Variants in PES1 observed in about 807,000 individuals in gnomAD.
PES1 encodes the protein pescadillo homolog.
Under a neutral mutation model 77.1 loss-of-function variants are expected in PES1, and 31 were observed. The observed-to-expected ratio is 0.40, with a 90% confidence interval of 0.30 to 0.54. PES1 has a LOEUF of 0.54. Ranked by LOEUF, PES1 falls within the 20% of genes least tolerant of loss-of-function variation. The pLI, the probability that PES1 is intolerant of heterozygous loss-of-function variation, is 0.45. For synonymous variants in PES1, 282 were observed against 303.0 expected (o/e 0.93, Z 0.72); for missense variants, 658 against 771.7 (o/e 0.85, Z 1.75).
intron 7 of PES1, 21 bp downstream of exon 7, chr22:30,581,507 G>A: frequency 6.2e-7 from 1 of 1,607,544 alleles, no homozygotes; most frequent in Non-Finnish European, 8.5e-7. Context: ...GCGAGCAGAA[G>A]GCACTGGGCT....
intron 2 of PES1, among the ~76,000 whole-genome samples, chr22:30,597,397 C>T (rs951515383): frequency 6.6e-6 from 1 of 151,576 alleles, no homozygotes; most frequent in African/African-American, 2.4e-5. Flanking sequence ...AATCAGCACT[C>T]TATATGTAGC....
chr22:30,604,296 A>G (rs959879121), intron 2 of PES1, among the ~76,000 whole-genome samples: 1 of 152,208 alleles, frequency 6.6e-6, no homozygotes, highest in Admixed American at 6.5e-5. Context: ...TAAAAAAAGT[A>G]GTAGTCACCC....
In PES1 at chr22:30,577,009, A is replaced by G. The variant is rs1269593310; in HGVS notation, c.*37T>C. The G allele has an allele frequency of 6.4e-7, 1 of 1,552,124 alleles. No homozygotes were observed. Among genetic ancestry groups the G allele is most frequent in the African/African-American group, 1.4e-5 (1 of 73,678 alleles). On this transcript the variant is annotated 3_prime_UTR_variant, in exon 15 of 15. Transcript: ENST00000354694. ...CCTGCCTCTGCCACATCCAGCTGCT[A>G]GGGGCTGGCCTCAGCCCTGTGAGGG...
chr22:30,593,727 G>C (rs2087217282), upstream of PES1, among the ~76,000 whole-genome samples: 1 of 152,116 alleles, frequency 6.6e-6, no homozygotes, highest in Admixed American at 6.6e-5. Context: ...GACACAGGTG[G>C]GGATGTTCAG....
In PES1 at chr22:30,579,003, G is replaced by A; in HGVS notation, c.1522-5C>T. 1.9e-6 allele frequency: 3 copies of A among 1,609,154 alleles called. No individual in the cohort carries two copies. The highest frequency in any genetic ancestry group is 2.5e-6 in the Non-Finnish European group (3 of 1,179,954). On this transcript the variant is annotated splice_region_variant and splice_polypyrimidine_tract_variant and intron_variant, in intron 13 of 14. Coordinates refer to ENST00000354694, the MANE Select transcript of PES1 (RefSeq NM_014303.4). The stretch of plus-strand genomic sequence containing the variant: ...GCCTGCCATCACCCTGGGCTTCTGG[G>A]GACACAAGGAGGGTGCTTATGGGGG...
chr22:30,579,413 G>A, intron 12 of PES1, 110 bp from the exon 13 acceptor site: 2 of 1,544,082 alleles, frequency 1.3e-6, no homozygotes, highest in Admixed American at 1.7e-5. Flanking sequence ...TTAGCCATGG[G>A]CAGTTCAGGG....
chr22:30,604,387 C>T (rs1323350173), intron 2 of PES1, among the ~76,000 whole-genome samples: 1 of 152,180 alleles, frequency 6.6e-6, no homozygotes, highest in Non-Finnish European at 1.5e-5. Context: ...AATCCCAATA[C>T]TTCGGGAGGC....
chr22:30,587,145 G>T (rs2087103020), intron 4 of PES1, 141 bp downstream of exon 4: 2 of 654,228 alleles, frequency 3.1e-6, no homozygotes, highest in South Asian at 1.9e-5. Flanking sequence ...TTGCTAGCTT[G>T]GTTTTTGGTC....
At chr22:30,602,919 G>A (rs2087379314) in intron 2 of PES1, among the ~76,000 whole-genome samples, 1 of 151,866 alleles carries the variant, frequency 6.6e-6, no homozygotes, top group South Asian at 2.1e-4. Context: ...ATTTGTGTGT[G>A]TGTGTGTGTG....
intron 2 of PES1, among the ~76,000 whole-genome samples, chr22:30,602,438 CTTT>C: frequency 7.0e-6 from 1 of 142,702 alleles, no homozygotes. Context: ...AAAACTAATA[CTTT>C]TTTTTTTTTG....
In PES1 at chr22:30,578,982, G is replaced by A; in HGVS notation, c.1538C>T (p.Ala513Val). Residue 513 changes from alanine (A) to valine (V), a missense_variant, in exon 14 of 15, where the codon GCA becomes GTA. Ala to Val is a moderately conservative substitution (Grantham distance 64). Transcript: ENST00000354694. ...CTTATCCTCCAGCTTCAAGGTGCCT[G>A]CCATCACCCTGGGCTTCTGGGGACA... ...RMEGKKPRVM[A>V]GTLKLEDKQR... 2 of 1,611,356 alleles carry A rather than the reference G, an allele frequency of 1.2e-6. No individual in the cohort carries two copies. Among genetic ancestry groups the A allele is most frequent in the Non-Finnish European group, 1.7e-6 (2 of 1,180,014 alleles).
Position 30,576,886 on chromosome 22 carries a change from G to C in PES1, c.*160C>G. On this transcript the variant is annotated 3_prime_UTR_variant, in exon 15 of 15. Transcript: ENST00000354694. ...GCAGCTCCATCCAAGGGAAGCGAGGGCTGCCCACTGGCCCAGCCAGAGAGC... is the reference window on the plus strand; with the variant it reads ...GCAGCTCCATCCAAGGGAAGCGAGGCCTGCCCACTGGCCCAGCCAGAGAGC... 1 of 649,570 alleles carries C rather than the reference G, an allele frequency of 1.5e-6. No individual in the cohort carries two copies. The highest frequency in any genetic ancestry group is 2.7e-6 in the Non-Finnish European group (1 of 364,506). The allele number at this position is 649,570 out of a possible 1,614,324, so 40.2% of individuals were successfully genotyped here. A position where few individuals can be genotyped will look rare whatever the true frequency, so the allele number is the denominator to read the frequency against.
chr22:30,589,355 A>T, intron 1 of PES1, 85 bp from the exon 2 acceptor site: 1 of 1,111,662 alleles, frequency 9.0e-7, no homozygotes, highest in Non-Finnish European at 1.3e-6. Context: ...TCCAGAGGCA[A>T]CTATCACTCT....
intron 1 of PES1, among the ~76,000 whole-genome samples, chr22:30,606,149 A>AT (rs915962543): frequency 2.0e-5 from 3 of 151,904 alleles, no homozygotes; most frequent in South Asian, 2.1e-4. Flanking sequence ...GTTTGCAGAG[A>AT]TTTTTTTTGA....
At position 30,591,878 on chromosome 22, in the gene PES1, T is replaced by G. The variant is rs1291232411; in HGVS notation, c.-45A>C. On this transcript the variant is annotated 5_prime_UTR_variant, in exon 1 of 15. Transcript: ENST00000354694. ...GACTAGGGCCGCGCGTACAGGGAGC[T>G]CCACTTCCTCCCGCACGTGCCCTGC... 2 of 1,535,274 alleles carry G rather than the reference T, an allele frequency of 1.3e-6. No homozygotes were observed. The highest frequency in any genetic ancestry group is 1.8e-6 in the Non-Finnish European group (2 of 1,142,786).
intron 2 of PES1, chr22:30,604,179 CAT>C (rs1164807408): frequency 2.6e-5 from 4 of 152,156 alleles, no homozygotes; most frequent in Admixed American, 2.6e-4. Context: ...GTCAAAATGA[CAT>C]AGCTCTTTTA....
chr22:30,595,480 G>A (rs2087240276), upstream of PES1, among the ~76,000 whole-genome samples: 1 of 145,936 alleles, frequency 6.9e-6, no homozygotes, highest in South Asian at 2.2e-4. Flanking sequence ...GGAGGTTGCA[G>A]TGAGCCAAGA....
chr22:30,598,724 C>T (rs554682512), intron 2 of PES1, among the ~76,000 whole-genome samples: 20 of 151,968 alleles, frequency 1.3e-4, no homozygotes, highest in African/African-American at 3.6e-4. Context: ...CCACCACAAC[C>T]GGCCTAAAGC....
chr22:30,577,410 G>A (rs1395766474), intron 14 of PES1, among the ~76,000 whole-genome samples: 1 of 152,168 alleles, frequency 6.6e-6, no homozygotes, highest in African/African-American at 2.4e-5. Flanking sequence ...ACACCACCTG[G>A]GAAAGCTGGA....
Sources: allele counts gnomAD v4.1 joint callset (sites outside exome capture counted in the v4.1 genomes callset), GRCh38; gene constraint gnomAD v4.1.1; transcripts MANE v1.5; gene names NCBI Gene and HGNC (gene_info 2026-07-23, HGNC 2026-07-21).